Variants in KMT2C observed in about 807,000 individuals in gnomAD.
KMT2C encodes the protein histone-lysine N-methyltransferase 2C.
KMT2C carries 88 observed loss-of-function variants against 507.9 expected under a neutral mutation model. The ratio of observed to expected loss-of-function variants is 0.17; its 90% CI spans 0.15 to 0.21. The LOEUF (loss-of-function observed/expected upper bound fraction) is 0.21. KMT2C is among the 10% of genes least tolerant of loss of function. The pLI is 1.00. For missense variants in KMT2C, 4,954 were observed against 5,957.8 expected (o/e 0.83, Z 5.55); for synonymous variants, 2,049 against 2,080.8 (o/e 0.98, Z 0.42).
rs1408499643 is a variant in KMT2C at position 152,255,108 on chromosome 7, CTTAT to C, written c.1300-2397_1300-2394del. 4.6e-4 allele frequency among the ~76,000 whole-genome samples: 28 copies of C among 60,674 alleles called. 2 individuals carry two copies. The highest frequency in any genetic ancestry group is 6.4e-4 in the Non-Finnish European group (20 of 31,010). 39.8% of individuals were successfully genotyped at this position (60,674 alleles called of 152,430 possible). On this transcript the variant is annotated intron_variant, in intron 9 of 58. Coordinates refer to ENST00000262189, the MANE Select transcript of KMT2C (RefSeq NM_170606.3). The stretch of plus-strand genomic sequence containing the variant: ...AAATCAAGATGTCAATCAACTCTCA[CTTAT>C]ATATATATATATATATATATATATA...
chr7:152,253,674 G>A (rs2095600517), intron 9 of KMT2C, among the ~76,000 whole-genome samples: 1 of 151,952 alleles, frequency 6.6e-6, no homozygotes, highest in South Asian at 2.1e-4. Flanking sequence ...GGGCAACAAT[G>A]TGAGACTGCC....
chr7:152,331,732 T>C (rs2096886129), intron 2 of KMT2C, among the ~76,000 whole-genome samples: 1 of 136,570 alleles, frequency 7.3e-6, no homozygotes, highest in Non-Finnish European at 1.5e-5. Context: ...CACTGCCACC[T>C]CTGCCTCCCG....
chr7:152,423,584 G>A (rs1399686260), intron 1 of KMT2C, among the ~76,000 whole-genome samples: 4 of 152,220 alleles, frequency 2.6e-5, no homozygotes, highest in Admixed American at 2.6e-4. Context: ...TGTCTGAGAA[G>A]TTAGATAAAG....
rs984841454 is a variant in KMT2C, at chr7:152,171,320, C to T, written c.9397G>A (p.Val3133Ile). 6.2e-7 allele frequency: 1 copy of T among 1,606,106 alleles called. No homozygotes were observed. Among genetic ancestry groups the T allele is most frequent in the South Asian group, 1.1e-5 (1 of 89,334 alleles). Residue 3133 changes from valine (V) to isoleucine (I), a missense_variant, in exon 40 of 59, where the codon GTA becomes ATA. This residue lies in a region of KMT2C where 1,689 missense variants were observed against 1,654.3 expected (regional missense o/e 1.02). Transcript: ENST00000262189. ...MSRFPFMGQV[V>I]TGTQNSEGQN... ...CCTTCACTGTTCTGTGTTCCAGTTACCACCTGGCCCATAAAAGGGAACCTG... is the reference window on the plus strand; with the variant it reads ...CCTTCACTGTTCTGTGTTCCAGTTATCACCTGGCCCATAAAAGGGAACCTG...
chr7:152,322,963 T>C (rs35817001), intron 3 of KMT2C, among the ~76,000 whole-genome samples: 7,550 of 152,012 alleles, frequency 0.05, 343 homozygotes, highest in African/African-American at 0.11. Context: ...AACAAGTATA[T>C]ATCACGTAAC....
chr7:152,307,631 C>T (rs542732772), intron 6 of KMT2C, among the ~76,000 whole-genome samples: 1 of 152,294 alleles, frequency 6.6e-6, no homozygotes, highest in South Asian at 2.1e-4. Flanking sequence ...TGCAATGTCT[C>T]CTAAGGGCTT....
intron 1 of KMT2C, among the ~76,000 whole-genome samples, chr7:152,409,137 T>C (rs1014915104): frequency 1.3e-5 from 2 of 151,864 alleles, no homozygotes; most frequent in Admixed American, 1.3e-4. Flanking sequence ...CCCGATTAGC[T>C]GGGATCACAC....
rs1279347896 is a variant in KMT2C at position 152,176,823 on chromosome 7, A to G, written c.8630T>C (p.Leu2877Pro). Residue 2877 changes from leucine to proline, a missense_variant, in exon 38 of 59, where the codon CTA becomes CCA. Around this residue, in one of 29 missense-constraint regions of KMT2C, gnomAD observed 1,689 missense variants for 1,654.3 expected, o/e 1.02. Transcript: ENST00000262189. ...KTSLHPCDPD[L>P]FEKRTNRETA... ...TTCTCGATTGGTTCTTTTCTCAAAT[A>G]GATCTGGATCACAAGGATGCAAAGA... 6.2e-7 allele frequency: 1 copy of G among 1,614,240 alleles called. No homozygotes were observed. The highest frequency in any genetic ancestry group is 1.7e-5 in the Admixed American group (1 of 60,034).
intron 46 of KMT2C, among the ~76,000 whole-genome samples, chr7:152,155,419 A>G (rs903897821): frequency 6.6e-6 from 1 of 152,202 alleles, no homozygotes; most frequent in Non-Finnish European, 1.5e-5. Context: ...ATTCTCCCCA[A>G]TTAGAATCTT....
chr7:152,259,446 G>GCACA (rs372982101), intron 9 of KMT2C, among the ~76,000 whole-genome samples: 8,524 of 134,610 alleles, frequency 0.063, 314 homozygotes, highest in Non-Finnish European at 0.085. Context: ...ACACACACGC[G>GCACA]CACACACACA....
chr7:152,259,452 A>ACGCG (rs968516329), intron 9 of KMT2C, among the ~76,000 whole-genome samples: 1 of 122,394 alleles, frequency 8.2e-6, no homozygotes, highest in Non-Finnish European at 1.6e-5. Flanking sequence ...ACGCGCACAC[A>ACGCG]CACACACACA....
At chr7:152,391,142 CA>C (rs1195125465) in intron 1 of KMT2C, among the ~76,000 whole-genome samples, 43 of 34,754 alleles carry the variant, frequency 1.2e-3, no homozygotes, top group East Asian at 9.3e-3. Context: ...AGACTGTCTC[CA>C]AAAAAAAAAA....
chr7:152,201,713 G>A (rs930482747), intron 26 of KMT2C, among the ~76,000 whole-genome samples: 6 of 149,148 alleles, frequency 4.0e-5, no homozygotes, highest in African/African-American at 1.5e-4. Context: ...AAACAAAGGT[G>A]CAAACCTAGG....
At chr7:152,199,158 C>CA (rs1425847695) in intron 27 of KMT2C, 121 bp downstream of exon 27, 5 of 729,118 alleles carry the variant, frequency 6.9e-6, no homozygotes, top group African/African-American at 1.9e-5. Context: ...AGTTATACTT[C>CA]AATGCTGTTG....
chr7:152,345,826 TAG>T (rs1294324077), intron 2 of KMT2C, among the ~76,000 whole-genome samples: 15 of 152,170 alleles, frequency 9.9e-5, no homozygotes, highest in Admixed American at 1.3e-4. Flanking sequence ...TGGCCTAGAA[TAG>T]ATTTTTTAAA....
At chr7:152,175,512 C>A (rs961760475) in intron 38 of KMT2C, among the ~76,000 whole-genome samples, 5 of 151,752 alleles carry the variant, frequency 3.3e-5, no homozygotes, top group Non-Finnish European at 7.4e-5. Context: ...GTTCCCCTCC[C>A]TGTGTCCATG....
intron 23 of KMT2C, among the ~76,000 whole-genome samples, chr7:152,215,332 T>C (rs1156896878): frequency 1.3e-5 from 2 of 151,258 alleles, no homozygotes; most frequent in Admixed American, 6.6e-5. Flanking sequence ...GCTAACATGG[T>C]GAAACCCCGC....
intron 2 of KMT2C, among the ~76,000 whole-genome samples, chr7:152,352,294 TGATAA>T (rs1303516306): frequency 6.6e-6 from 1 of 152,198 alleles, no homozygotes; most frequent in African/African-American, 2.4e-5. Flanking sequence ...AACTGTCTCC[TGATAA>T]GATGTTATCA....
At chr7:152,423,311 G>C (rs550574912) in intron 1 of KMT2C, among the ~76,000 whole-genome samples, 7 of 152,336 alleles carry the variant, frequency 4.6e-5, no homozygotes, top group East Asian at 3.9e-4. Context: ...TTGCACTCCA[G>C]CCTGCATGAC....
Sources: gnomAD v4.1 joint callset for allele counts (sites outside exome capture counted in the v4.1 genomes callset) on GRCh38, gnomAD v4.1.1 for gene constraint, gnomAD v4.1.1 regional missense constraint, MANE v1.5 for transcripts, NCBI Gene and HGNC (gene_info 2026-07-23, HGNC 2026-07-21) for gene names.